The following OPCML variants were observed in gnomAD, a reference collection of about 807,000 sequenced individuals.
OPCML encodes opioid binding protein/cell adhesion molecule like, also known as opioid-binding protein/cell adhesion molecule.
Under a neutral mutation model 37.8 loss-of-function variants are expected in OPCML, and 13 were observed. The observed-to-expected ratio is 0.34, with a 90% CI of 0.22 to 0.55. The LOEUF (loss-of-function observed/expected upper bound fraction) is 0.55. Among genes scored for constraint, OPCML ranks in the 20% least tolerant of loss-of-function variants. The pLI, the probability that OPCML is intolerant of heterozygous loss-of-function variation, is 0.91. For missense variants in OPCML, 341 were observed against 435.6 expected (o/e 0.78, Z 1.93); for synonymous variants, 176 against 168.8 (o/e 1.04, Z -0.33).
chr11:132,599,943 G>A (rs556351402), intron 3 of OPCML, among the ~76,000 whole-genome samples: 15 of 152,158 alleles, frequency 9.9e-5, no homozygotes, highest in East Asian at 3.9e-4. Flanking sequence ...TTATGTAACC[G>A]AACAATCATT....
intron 1 of OPCML, among the ~76,000 whole-genome samples, chr11:133,429,482 TAAATGATCACTCC>T (rs1444041957): frequency 2.0e-5 from 3 of 152,214 alleles, no homozygotes; most frequent in African/African-American, 4.8e-5. Context: ...TTTCCATTTT[TAAATGATCACTCC>T]AGTTTCTTTG....
chr11:133,431,809 A>G (rs1297912201), intron 1 of OPCML, among the ~76,000 whole-genome samples: 1 of 147,914 alleles, frequency 6.8e-6, no homozygotes, highest in African/African-American at 2.5e-5. Flanking sequence ...ATTTATATAT[A>G]ATATATATAA....
intron 1 of OPCML, among the ~76,000 whole-genome samples, chr11:133,508,343 C>A (rs570280694): frequency 6.6e-6 from 1 of 152,208 alleles, no homozygotes; most frequent in Admixed American, 6.5e-5. Context: ...CTAGGAACCA[C>A]ATTTTGAGTG....
intron 1 of OPCML, among the ~76,000 whole-genome samples, chr11:133,287,928 C>T (rs7924812): frequency 0.36 from 54,595 of 152,030 alleles, 11,133 homozygotes; most frequent in East Asian, 0.75. Flanking sequence ...TTCTGGCTCC[C>T]GCACCACGGC....
chr11:133,506,204 A>G (rs910861158), intron 1 of OPCML, among the ~76,000 whole-genome samples: 1 of 152,206 alleles, frequency 6.6e-6, no homozygotes, highest in Non-Finnish European at 1.5e-5. Flanking sequence ...CTGGAAAGAA[A>G]GTGTCTTGTC....
intron 1 of OPCML, among the ~76,000 whole-genome samples, chr11:133,392,183 C>T (rs1419053249): frequency 6.6e-6 from 1 of 152,094 alleles, no homozygotes; most frequent in Non-Finnish European, 1.5e-5. Flanking sequence ...TTAATCTTCA[C>T]AATAATTCTA....
At chr11:133,397,999 A>G (rs1317544884) in intron 1 of OPCML, among the ~76,000 whole-genome samples, 3 of 152,148 alleles carry the variant, frequency 2.0e-5, no homozygotes, top group African/African-American at 7.2e-5. Flanking sequence ...GATGGATTTA[A>G]GTTTATCCAA....
At chr11:132,824,401 T>C (rs1227909369) in intron 2 of OPCML, among the ~76,000 whole-genome samples, 1 of 152,208 alleles carries the variant, frequency 6.6e-6, no homozygotes, top group Non-Finnish European at 1.5e-5. Flanking sequence ...TCTGCTACCC[T>C]TCCTAAGCCA....
At chr11:133,276,598 T>A (rs778069276) in intron 1 of OPCML, among the ~76,000 whole-genome samples, 10 of 152,238 alleles carry the variant, frequency 6.6e-5, no homozygotes, top group African/African-American at 2.4e-4. Context: ...AGCTCTGACA[T>A]GCTGTACAAA....
intron 3 of OPCML, among the ~76,000 whole-genome samples, chr11:132,576,935 G>A (rs1170260050): frequency 1.3e-5 from 2 of 152,120 alleles, no homozygotes; most frequent in Admixed American, 1.3e-4. Flanking sequence ...ACTCATCCAA[G>A]CTCCAAGACT....
At chr11:133,218,045 CA>C (rs112195465) in intron 1 of OPCML, among the ~76,000 whole-genome samples, 29 of 144,618 alleles carry the variant, frequency 2.0e-4, no homozygotes, top group Admixed American at 4.9e-4. Flanking sequence ...TACCCTGTCT[CA>C]AAAAAAAAAA....
intron 2 of OPCML, among the ~76,000 whole-genome samples, chr11:132,888,236 C>T (rs1485968264): frequency 5.3e-5 from 8 of 152,210 alleles, no homozygotes; most frequent in African/African-American, 1.9e-4. Context: ...TCACCCCATA[C>T]CACAAGGCAC....
chr11:132,972,643 C>T (rs745617683), intron 1 of OPCML, among the ~76,000 whole-genome samples: 18 of 152,142 alleles, frequency 1.2e-4, no homozygotes, highest in Non-Finnish European at 2.2e-4. Context: ...CTTTTAATGT[C>T]TCTTTCCTCC....
In OPCML at chr11:133,182,582, T is replaced by C. The variant is rs76138744; in HGVS notation, c.62-239572A>G. ...CTTCATCCTGTCTCTAAAAGGGGTA[T>C]CCTAATGTCCAGGAAAAAATGCCAA... On this transcript the variant is annotated intron_variant, in intron 1 of 7. Transcript: ENST00000524381. Among the ~76,000 whole-genome samples, 160 of 152,220 alleles carry C rather than the reference T, an allele frequency of 1.1e-3. 3 individuals carry two copies. In the East Asian group the frequency reaches 0.021, roughly 20 times the overall value.
intron 1 of OPCML, among the ~76,000 whole-genome samples, chr11:133,347,808 G>T (rs1033228751): frequency 2.6e-5 from 4 of 152,164 alleles, no homozygotes; most frequent in Non-Finnish European, 2.9e-5. Context: ...ATACTTGGGG[G>T]TGAGATCAAG....
chr11:132,632,095 C>A (rs1244633094), intron 3 of OPCML, among the ~76,000 whole-genome samples: 1 of 151,448 alleles, frequency 6.6e-6, no homozygotes, highest in Non-Finnish European at 1.5e-5. Context: ...AAGAGTCCCT[C>A]CTGTAAACAT....
chr11:133,245,535 C>T (rs1940889632), intron 1 of OPCML, among the ~76,000 whole-genome samples: 2 of 152,140 alleles, frequency 1.3e-5, no homozygotes. Flanking sequence ...CAGGAGAGAA[C>T]AAGAATCCTG....
At chr11:133,465,617 T>C (rs1178693516) in intron 1 of OPCML, among the ~76,000 whole-genome samples, 2 of 152,156 alleles carry the variant, frequency 1.3e-5, no homozygotes, top group African/African-American at 4.8e-5. Flanking sequence ...TATAATATCA[T>C]AGGTTTCGTG....
chr11:133,185,790 TC>T (rs1272407101), intron 1 of OPCML, among the ~76,000 whole-genome samples: 1 of 152,160 alleles, frequency 6.6e-6, no homozygotes, highest in Non-Finnish European at 1.5e-5. Context: ...ACTCCCATTT[TC>T]CCACCATGAC....
Sources: gnomAD v4.1 joint callset for allele counts (sites outside exome capture counted in the v4.1 genomes callset) on GRCh38, gnomAD v4.1.1 for gene constraint, MANE v1.5 for transcripts, NCBI Gene and HGNC (gene_info 2026-07-23, HGNC 2026-07-21) for gene names.